CNTLN: variants seen among roughly 807,000 people sequenced by gnomAD.
The protein encoded by CNTLN is centlein, centrosomal protein.
In CNTLN, 212 loss-of-function variants were observed where a neutral mutation model predicts 180.0. The observed-to-expected ratio is 1.18, with a 90% CI of 1.05 to 1.32. The LOEUF (loss-of-function observed/expected upper bound fraction) is 1.32. Among genes scored for constraint, CNTLN ranks in the 40% most tolerant of loss-of-function variants. The probability of loss-of-function intolerance (pLI) is 0.00; values close to 1 mark genes in which losing one functional copy is unlikely to be tolerated. For synonymous variants in CNTLN, 722 were observed against 563.1 expected (o/e 1.28, Z -3.99); for missense variants, 2,095 against 1,610.9 (o/e 1.30, Z -5.14).
At chr9:17,325,739 T>C (rs1379157317) in intron 8 of CNTLN, among the ~76,000 whole-genome samples, 1 of 151,986 alleles carries the variant, frequency 6.6e-6, no homozygotes, top group African/African-American at 2.4e-5. Flanking sequence ...TTAAAACAAG[T>C]GAGATAATGT....
chr9:17,445,420 T>C (rs1830347865), intron 18 of CNTLN, among the ~76,000 whole-genome samples: 1 of 152,064 alleles, frequency 6.6e-6, no homozygotes, highest in Non-Finnish European at 1.5e-5. Context: ...GAAGTAGACA[T>C]AGGAGACTCC....
intron 12 of CNTLN, among the ~76,000 whole-genome samples, chr9:17,360,103 T>C (rs1424783660): frequency 6.6e-6 from 1 of 152,214 alleles, no homozygotes; most frequent in Non-Finnish European, 1.5e-5. Flanking sequence ...GGATTGCTTT[T>C]GCTGTGCCTT....
the CNTLN span, among the ~76,000 whole-genome samples, chr9:17,512,856 A>G: frequency 6.6e-5 from 10 of 151,990 alleles, no homozygotes; most frequent in East Asian, 3.9e-4. Context: ...TTGCTCTGTC[A>G]CCCAGGCTGG....
intron 2 of CNTLN, among the ~76,000 whole-genome samples, chr9:17,198,157 C>G (rs528356403): frequency 4.6e-5 from 7 of 152,240 alleles, no homozygotes; most frequent in African/African-American, 1.7e-4. Context: ...AATTTGAAAT[C>G]AGGTAATATG....
At chr9:17,192,842 C>T (rs1821875070) in intron 2 of CNTLN, among the ~76,000 whole-genome samples, 1 of 152,064 alleles carries the variant, frequency 6.6e-6, no homozygotes, top group Non-Finnish European at 1.5e-5. Context: ...GGAAAAGAAG[C>T]TGTAGTAGTT....
chr9:17,342,308 C>G lies in CNTLN; in HGVS notation c.1767-17C>G, dbSNP rs1821543763. ...TCAGACATGTTAATTGAAAAAGCAA[C>G]TTTGTTTTAAAAATAGGACTGAAAT... On this transcript the variant is annotated splice_polypyrimidine_tract_variant and intron_variant, in intron 11 of 25. Transcript: ENST00000380647. 6.2e-7 allele frequency: 1 copy of G among 1,608,402 alleles called. No homozygotes were observed. The highest frequency in any genetic ancestry group is 8.5e-7 in the Non-Finnish European group (1 of 1,177,970).
At chr9:17,207,909 AACAAGGTT>A (rs1563881482) in intron 2 of CNTLN, among the ~76,000 whole-genome samples, 2 of 152,064 alleles carry the variant, frequency 1.3e-5, no homozygotes, top group Non-Finnish European at 2.9e-5. Context: ...ATTTTCTCCA[AACAAGGTT>A]AATTTGACCT....
intron 6 of CNTLN, 21 bp from the exon 7 acceptor site, chr9:17,298,169 T>C (rs1587561687): frequency 7.1e-7 from 1 of 1,414,650 alleles, no homozygotes. Context: ...CTTTTCTCTA[T>C]TTATTGCTTG....
intron 13 of CNTLN, among the ~76,000 whole-genome samples, chr9:17,375,427 G>C (rs1226473329): frequency 6.6e-6 from 1 of 152,158 alleles, no homozygotes; most frequent in South Asian, 2.1e-4. Flanking sequence ...AAGTGCTTGA[G>C]GTGATGGATG....
chr9:17,390,050 G>C (rs1413064004), intron 14 of CNTLN, among the ~76,000 whole-genome samples: 1 of 152,102 alleles, frequency 6.6e-6, no homozygotes, highest in African/African-American at 2.4e-5. Flanking sequence ...AAAGGCCTCA[G>C]AAGAAACCAA....
rs373496001 is a variant in CNTLN, at chr9:17,236,403, C to G, written c.670-6C>G. 12 of 1,589,258 alleles carry G rather than the reference C, an allele frequency of 7.6e-6. No individual in the cohort carries two copies. Among genetic ancestry groups the G allele is most frequent in the East Asian group, 2.3e-5 (1 of 44,228 alleles). ...ATTTATTTGCCCTTGTGGTACTGTT[C>G]TACAGGACACTAAGGAGTGTGTACA... On this transcript the variant is annotated splice_polypyrimidine_tract_variant and splice_region_variant and intron_variant, in intron 4 of 25. Transcript: ENST00000380647.
chr9:17,266,998 C>T (rs1427074494), intron 5 of CNTLN, among the ~76,000 whole-genome samples: 2 of 152,090 alleles, frequency 1.3e-5, no homozygotes, highest in African/African-American at 4.8e-5. Flanking sequence ...ATCCAATTTG[C>T]CAGTCTGTGT....
chr9:17,373,054 TC>T, intron 13 of CNTLN, among the ~76,000 whole-genome samples: 1 of 152,270 alleles, frequency 6.6e-6, no homozygotes, highest in South Asian at 2.1e-4. Flanking sequence ...TGAAAGCTTT[TC>T]CTTTAAGATT....
chr9:17,298,463 A>G (rs576913411), intron 7 of CNTLN, 111 bp downstream of exon 7: 12 of 1,343,542 alleles, frequency 8.9e-6, no homozygotes, highest in Admixed American at 7.2e-5. Flanking sequence ...TTCCTTTTAC[A>G]TGTGTTTCCT....
intron 7 of CNTLN, 174 bp downstream of exon 7, chr9:17,298,526 A>C (rs1587564000): frequency 7.7e-7 from 1 of 1,303,928 alleles, no homozygotes; most frequent in East Asian, 3.0e-5. Context: ...AAATTTTTTG[A>C]ATTTTCTTTA....
chr9:17,350,101 A>T (rs1822236711), intron 12 of CNTLN, among the ~76,000 whole-genome samples: 2 of 152,222 alleles, frequency 1.3e-5, no homozygotes, highest in Non-Finnish European at 2.9e-5. Flanking sequence ...CATTCTTCCA[A>T]GTGAAAGTAT....
At chr9:17,202,646 GTT>G (rs57960408) in intron 2 of CNTLN, among the ~76,000 whole-genome samples, 25 of 71,478 alleles carry the variant, frequency 3.5e-4, no homozygotes, top group African/African-American at 1.2e-3. Flanking sequence ...TGCAACCTCT[GTT>G]TTTTTTTTTT....
At chr9:17,457,417 T>C (rs532891225) in intron 18 of CNTLN, 107 bp from the exon 19 acceptor site, 47 of 606,948 alleles carry the variant, frequency 7.7e-5, no homozygotes, top group Non-Finnish European at 9.8e-5. Context: ...TAATTTCAGT[T>C]CTCTTTAATA....
At chr9:17,508,015 G>C (rs1833964017), downstream of CNTLN, among the ~76,000 whole-genome samples, 1 of 152,102 alleles carries the variant, frequency 6.6e-6, no homozygotes, top group African/African-American at 2.4e-5. Flanking sequence ...TGTTAATGCT[G>C]ACCCTAGCGT....
Sources: allele counts gnomAD v4.1 joint callset (sites outside exome capture counted in the v4.1 genomes callset), GRCh38; gene constraint gnomAD v4.1.1; transcripts MANE v1.5; gene names NCBI Gene and HGNC (gene_info 2026-07-23, HGNC 2026-07-21).